Variants in LILRA2 observed in about 807,000 individuals in gnomAD.
LILRA2 encodes leukocyte immunoglobulin-like receptor subfamily A member 2.
LILRA2 carries 45 observed loss-of-function variants against 47.9 expected under a neutral mutation model. The ratio of observed to expected loss-of-function variants is 0.94; its 90% confidence interval spans 0.74 to 1.20. LILRA2 has a LOEUF of 1.20. LILRA2 is among the 50% of genes most tolerant of loss of function. The pLI is 0.00. For missense variants in LILRA2, 651 were observed against 598.2 expected, an observed-to-expected ratio of 1.09 and a Z score of -0.92; for synonymous variants, 279 against 249.2, an observed-to-expected ratio of 1.12 and a Z score of -1.13.
intron 6 of LILRA2, among the ~76,000 whole-genome samples, chr19:54,580,112 G>A (rs111235784): frequency 0.039 from 5,969 of 151,416 alleles, 140 homozygotes; most frequent in South Asian, 0.056. Flanking sequence ...TTTCTCTTGC[G>A]TGATTGCCCT....
chr19:54,579,139 T>G (rs578031415), intron 6 of LILRA2, among the ~76,000 whole-genome samples: 30 of 152,174 alleles, frequency 2.0e-4, no homozygotes, highest in Non-Finnish European at 4.0e-4. Flanking sequence ...TATTTTGGCT[T>G]TTGGTGCCAT....
chr19:54,574,495 T>C lies in LILRA2; in HGVS notation c.265T>C (p.Trp89Arg), dbSNP rs150302738. The stretch of plus-strand genomic sequence containing the variant: ...CCAGTTCCCCATCCCATCCATCACC[T>C]GGGAACACGCAGGGCGGTATCACTG... ...NGQFPIPSIT[W>R]EHAGRYHCQY... Residue 89 changes from tryptophan to arginine, a missense_variant, in exon 3 of 8, where the codon TGG (tryptophan) becomes CGG (arginine). Transcript: ENST00000391738. 1.8e-4 allele frequency: 295 copies of C among 1,614,120 alleles called. 1 individual carries two copies. In the African/African-American group the frequency reaches 3.3e-3, roughly 18 times the overall value.
In LILRA2 at chr19:54,575,871, C is replaced by T. The variant is rs554741391; in HGVS notation, c.1017C>T (p.Asn339=). 55 of 1,613,928 alleles carry T rather than the reference C, an allele frequency of 3.4e-5. No individual in the cohort carries two copies. The African/African-American group carries it at 5.2e-4, about 15-fold the overall frequency. ...TCCCCACAGTAGCCCCAGGAAAGAACGTGACCCTGCTGTGTCAGTCACGGG... is the reference window on the plus strand; with the variant it reads ...TCCCCACAGTAGCCCCAGGAAAGAATGTGACCCTGCTGTGTCAGTCACGGG... ...QPVPTVAPGK[N]VTLLCQSRGQ... The change falls in exon 6 of 8, where the codon AAC becomes AAT. Residue 339 remains asparagine, a synonymous_variant. Coordinates refer to ENST00000391738, the MANE Select transcript of LILRA2 (RefSeq NM_001130917.3).
At position 54,575,345 on chromosome 19, in the gene LILRA2, G is replaced by A. The variant is rs753006012; in HGVS notation, c.745G>A (p.Gly249Ser). 4.1e-5 allele frequency: 66 copies of A among 1,614,042 alleles called. No individual in the cohort carries two copies. Among genetic ancestry groups the A allele is most frequent in the African/African-American group, 8.0e-5 (6 of 75,006 alleles). Residue 249 changes from glycine to serine, a missense_variant, in exon 5 of 8, where the codon GGC (glycine) becomes AGC (serine). By Grantham distance (56) the Gly-to-Ser change is moderately conservative. Coordinates refer to ENST00000391738, the MANE Select transcript of LILRA2 (RefSeq NM_001130917.3). ...GACCCTCCAGTGTGTCTCTGATGTC[G>A]GCTACGACAGATTTGTTCTGTATAA... ...SLTLQCVSDV[G>S]YDRFVLYKEG...
chr19:54,576,380 G>A (rs368426711), intron 6 of LILRA2, among the ~76,000 whole-genome samples: 30 of 152,272 alleles, frequency 2.0e-4, no homozygotes, highest in African/African-American at 5.5e-4. Flanking sequence ...GAGGGTGGAA[G>A]ACGGAGACCC....
chr19:54,587,327 A>C lies in LILRA2; in HGVS notation c.1433A>C (p.Gln478Pro). Reference sequence around the variant, plus strand: ...GCTCAGCACAGCCAGAGAAGCCTACAAGATGCAGCCGGGAGGTGAACAGCA... The same window carrying C: ...GCTCAGCACAGCCAGAGAAGCCTACCAGATGCAGCCGGGAGGTGAACAGCA... Reference protein sequence around the residue: ...FEAQHSQRSLQDAAGR With the variant: ...FEAQHSQRSLPDAAGR Residue 478 changes from glutamine to proline, a missense_variant, in exon 8 of 8, where the codon CAA becomes CCA. Physicochemically the swap from Gln to Pro is moderately conservative, Grantham distance 76. Transcript: ENST00000391738. The C allele has an allele frequency of 2.5e-6, 4 of 1,614,126 alleles. No individual in the cohort carries two copies. The highest frequency in any genetic ancestry group is 2.5e-6 in the Non-Finnish European group (3 of 1,180,026).
At chr19:54,583,340 T>G (rs939489152) in intron 6 of LILRA2, among the ~76,000 whole-genome samples, 2 of 152,206 alleles carry the variant, frequency 1.3e-5, no homozygotes, top group African/African-American at 4.8e-5. Context: ...CTTGTTAACC[T>G]TATGTGTCAT....
At chr19:54,575,094 G>C in intron 4 of LILRA2, 61 bp downstream of exon 4, 2 of 1,581,838 alleles carry the variant, frequency 1.3e-6, no homozygotes, top group South Asian at 1.2e-5. Flanking sequence ...CAGGCAGGTG[G>C]GGAGCAGCCG....
chr19:54,586,906 G>A lies in LILRA2; in HGVS notation c.1256-104G>A, dbSNP rs184865132. The A allele has an allele frequency of 6.9e-3, 5,213 of 753,464 alleles. No homozygotes were observed. In the South Asian group the frequency reaches 0.073, roughly 11 times the overall value. 46.7% of individuals were successfully genotyped at this position (753,464 alleles called of 1,614,324 possible). A position where few individuals can be genotyped will look rare whatever the true frequency, so the allele number is the denominator to read the frequency against. On this transcript the variant is annotated intron_variant, in intron 6 of 7. Coordinates refer to ENST00000391738, the MANE Select transcript of LILRA2 (RefSeq NM_001130917.3). The stretch of plus-strand genomic sequence containing the variant: ...CTACAGCAGAGGAAGGGTTTATTGA[G>A]GAACTCCATAAAACTCATGTCAAGA...
chr19:54,585,994 G>A (rs1226031374), intron 6 of LILRA2, among the ~76,000 whole-genome samples: 2 of 152,156 alleles, frequency 1.3e-5, no homozygotes, highest in Non-Finnish European at 2.9e-5. Context: ...ACCCACTAGA[G>A]AATGGCTCCT....
Position 54,575,418 on chromosome 19 carries a change from C to A in LILRA2, c.818C>A (p.Ala273Asp). Residue 273 changes from alanine to aspartate, a missense_variant, in exon 5 of 8, where the codon GCT becomes GAT. Transcript: ENST00000391738. ...FLQRPGWQPQ[A>D]GLSQANFTLG... The stretch of plus-strand genomic sequence containing the variant: ...CAGCGCCCTGGTTGGCAGCCCCAGG[C>A]TGGGCTCTCCCAGGCCAACTTCACC... The A allele has an allele frequency of 6.2e-7, 1 of 1,614,056 alleles. No homozygotes were observed.
Position 54,575,853 on chromosome 19 carries a change from A to T in LILRA2, c.999A>T (p.Thr333=). The T allele has an allele frequency of 1.2e-6, 2 of 1,613,130 alleles. No homozygotes were observed. The highest frequency in any genetic ancestry group is 1.7e-6 in the Non-Finnish European group (2 of 1,179,716). The part of the protein sequence containing the change: ...RPSLSVQPVP[T]VAPGKNVTLL... Reference sequence around the variant, plus strand: ...CTCTCTCGGTGCAGCCGGTCCCCACAGTAGCCCCAGGAAAGAACGTGACCC... The same window carrying T: ...CTCTCTCGGTGCAGCCGGTCCCCACTGTAGCCCCAGGAAAGAACGTGACCC... Residue 333 remains threonine (T), a synonymous_variant, in exon 6 of 8, where the codon ACA becomes ACT. Transcript: ENST00000391738.
At chr19:54,578,140 A>T (rs2062532006) in intron 6 of LILRA2, among the ~76,000 whole-genome samples, 2 of 151,426 alleles carry the variant, frequency 1.3e-5, no homozygotes, top group African/African-American at 4.8e-5. Context: ...TATATATTTT[A>T]TTATTATAGT....
Position 54,574,287 on chromosome 19 carries a change from T to G in LILRA2, c.71-14T>G. On this transcript the variant is annotated splice_polypyrimidine_tract_variant and intron_variant, in intron 2 of 7. Transcript: ENST00000391738. ...GGGAAATGACTTAGAATCCGACCTC[T>G]GATTTCCTTCCAGGGCACCTCCCCA... 6.2e-7 allele frequency: 1 copy of G among 1,613,998 alleles called. No individual in the cohort carries two copies. The highest frequency in any genetic ancestry group is 8.5e-7 in the Non-Finnish European group (1 of 1,179,930).
In LILRA2 at chr19:54,575,946, A is replaced by C; in HGVS notation, c.1092A>C (p.Pro364=). ...CCAAGGAGGGGGCAGGCCATCCCCC[A>C]CTGCATCTGAGATCAGAGCACCAAG... is the stretch of plus-strand genomic sequence containing the variant. The part of the protein sequence containing the change: ...LLTKEGAGHP[P]LHLRSEHQAQ... The change falls in exon 6 of 8, where the codon CCA becomes CCC. Residue 364 remains proline, a synonymous_variant. Transcript: ENST00000391738. 1.2e-6 allele frequency: 2 copies of C among 1,605,590 alleles called. No homozygotes were observed. The highest frequency in any genetic ancestry group is 4.5e-5 in the East Asian group (2 of 44,812).
Position 54,574,939 on chromosome 19 carries a change from G to C in LILRA2, c.561G>C (p.Pro187=). The C allele has an allele frequency of 1.4e-6, 2 of 1,461,702 alleles. No individual in the cohort carries two copies. The highest frequency in any genetic ancestry group is 1.8e-6 in the Non-Finnish European group (2 of 1,089,718). 90.5% of individuals were successfully genotyped at this position (1,461,702 alleles called of 1,614,324 possible). A position where few individuals can be genotyped will look rare whatever the true frequency, so the allele number is the denominator to read the frequency against. Reference sequence around the variant, plus strand: ...TCTTCTCCGTGGGCCCCGTGAGCCCGAGTCGCAGGTGGTCGTACAGGTGCT... The same window carrying C: ...TCTTCTCCGTGGGCCCCGTGAGCCCCAGTCGCAGGTGGTCGTACAGGTGCT... ...WAIFSVGPVS[P]SRRWSYRCYA... is the part of the protein sequence containing the mutation. The change falls in exon 4 of 8, where the codon CCG becomes CCC. Residue 187 remains proline, a synonymous_variant. Coordinates refer to ENST00000391738, the MANE Select transcript of LILRA2 (RefSeq NM_001130917.3).
chr19:54,576,937 C>A (rs1218599108), intron 6 of LILRA2, among the ~76,000 whole-genome samples: 1 of 152,282 alleles, frequency 6.6e-6, no homozygotes, highest in African/African-American at 2.4e-5. Context: ...TGTGACTGCC[C>A]CAAAGCCCCT....
At position 54,575,510 on chromosome 19, in the gene LILRA2, G is replaced by C. The variant is rs372106807; in HGVS notation, c.910G>C (p.Glu304Gln). ...RCYSAHNLSS[E>Q]WSAPSDPLDI... ...CTACAGTGCACACAACCTCTCCTCC[G>C]AGTGGTCGGCCCCCAGTGACCCCCT... Residue 304 changes from glutamate (E) to glutamine (Q), a missense_variant, in exon 5 of 8, where the codon GAG (glutamate) becomes CAG (glutamine). Transcript: ENST00000391738. The C allele has an allele frequency of 6.2e-7, 1 of 1,612,574 alleles. No homozygotes were observed. The highest frequency in any genetic ancestry group is 8.5e-7 in the Non-Finnish European group (1 of 1,179,874).
At position 54,589,620 on chromosome 19, in the gene LILRA2, T is replaced by C. The variant is rs892632080; in HGVS notation, c.*2274T>C. The stretch of plus-strand genomic sequence containing the variant: ...TGAGGAAAAAGTCATCCCAGTATCA[T>C]AAATCAAAAGGCTTAAAATTAGTTA... On this transcript the variant is annotated 3_prime_UTR_variant, in exon 8 of 8. Transcript: ENST00000391738. The C allele has an allele frequency of 6.6e-6, 1 of 152,220 alleles. No homozygotes were observed. Among genetic ancestry groups the C allele is most frequent in the African/African-American group, 2.4e-5 (1 of 41,460 alleles). 9.4% of individuals were successfully genotyped at this position (152,220 alleles called of 1,614,324 possible).
Sources: allele counts gnomAD v4.1 joint callset (sites outside exome capture counted in the v4.1 genomes callset), GRCh38; gene constraint gnomAD v4.1.1; transcripts MANE v1.5; gene names NCBI Gene and HGNC (gene_info 2026-07-23, HGNC 2026-07-21).